The following RSRC1 variants were observed in gnomAD, a reference collection of about 807,000 sequenced individuals.
RSRC1 encodes the protein arginine and serine rich coiled-coil 1.
Under a neutral mutation model 49.1 loss-of-function variants are expected in RSRC1, and 39 were observed. The ratio of observed to expected loss-of-function variants is 0.79; its 90% CI spans 0.61 to 1.04. The LOEUF (loss-of-function observed/expected upper bound fraction) is 1.04, where lower values mean the gene tolerates loss of function less well. Ranked by LOEUF, RSRC1 falls within the 50% of genes least tolerant of loss-of-function variation. RSRC1 has a pLI of 0.00. For synonymous variants in RSRC1, 143 were observed against 130.8 expected (o/e 1.09, Z -0.63); for missense variants, 388 against 402.4 (o/e 0.96, Z 0.31).
At chr3:158,201,715 T>C (rs1463718983) in intron 3 of RSRC1, among the ~76,000 whole-genome samples, 1 of 152,230 alleles carries the variant, frequency 6.6e-6, no homozygotes, top group Non-Finnish European at 1.5e-5. Context: ...CTGGTATTTC[T>C]ATTGAGATTG....
At chr3:158,462,903 A>G (rs533044396) in intron 7 of RSRC1, among the ~76,000 whole-genome samples, 4 of 152,148 alleles carry the variant, frequency 2.6e-5, no homozygotes, top group African/African-American at 9.6e-5. Context: ...CTCCAATCAT[A>G]GCTGTTTTAA....
chr3:158,246,399 A>AT (rs1017376917), intron 4 of RSRC1, among the ~76,000 whole-genome samples: 87 of 150,104 alleles, frequency 5.8e-4, no homozygotes, highest in East Asian at 1.8e-3. Flanking sequence ...AAGTATAATA[A>AT]AAAAAAAAAG....
At chr3:158,205,602 G>A (rs761686702) in intron 4 of RSRC1, among the ~76,000 whole-genome samples, 1 of 152,038 alleles carries the variant, frequency 6.6e-6, no homozygotes, top group Non-Finnish European at 1.5e-5. Flanking sequence ...AATTTTTCCA[G>A]TAGGAAAAGT....
intron 5 of RSRC1, among the ~76,000 whole-genome samples, chr3:158,347,866 C>T (rs891238811): frequency 2.0e-5 from 3 of 151,916 alleles, no homozygotes; most frequent in Non-Finnish European, 4.4e-5. Context: ...AATGTTGTTT[C>T]TCTTTTTATT....
intron 3 of RSRC1, among the ~76,000 whole-genome samples, chr3:158,195,276 G>T (rs951098061): frequency 6.0e-4 from 91 of 151,894 alleles, no homozygotes; most frequent in African/African-American, 2.1e-3. Context: ...TCATGTGTCT[G>T]TTGGCTGCAT....
chr3:158,446,412 G>A (rs926926538), intron 6 of RSRC1, among the ~76,000 whole-genome samples: 3 of 151,600 alleles, frequency 2.0e-5, no homozygotes, highest in African/African-American at 7.3e-5. Context: ...TATAAAATAT[G>A]TGGATTTAAA....
At chr3:158,526,754 T>A (rs1358800901) in intron 7 of RSRC1, among the ~76,000 whole-genome samples, 1 of 151,988 alleles carries the variant, frequency 6.6e-6, no homozygotes, top group East Asian at 1.9e-4. Flanking sequence ...CATAATATGC[T>A]TACAAGAAGA....
chr3:158,332,970 T>G (rs1006974696), intron 5 of RSRC1, among the ~76,000 whole-genome samples: 1 of 142,714 alleles, frequency 7.0e-6, no homozygotes, highest in Non-Finnish European at 1.6e-5. Flanking sequence ...TTCTGTTTTT[T>G]GTTTTTTTTT....
chr3:158,420,028 C>T (rs1472531216), intron 6 of RSRC1, among the ~76,000 whole-genome samples: 1 of 151,880 alleles, frequency 6.6e-6, no homozygotes, highest in Non-Finnish European at 1.5e-5. Context: ...CCCCCCACTT[C>T]CTCCTTTTAC....
At chr3:158,477,924 G>A (rs1330805699) in intron 7 of RSRC1, among the ~76,000 whole-genome samples, 1 of 149,148 alleles carries the variant, frequency 6.7e-6, no homozygotes, top group Admixed American at 6.7e-5. Context: ...TTTTTAACAA[G>A]TTGCATTCTT....
At chr3:158,486,337 A>G (rs1324016641) in intron 7 of RSRC1, among the ~76,000 whole-genome samples, 1 of 152,076 alleles carries the variant, frequency 6.6e-6, no homozygotes, top group Non-Finnish European at 1.5e-5. Flanking sequence ...TTGCTATTTC[A>G]TTCACATCCT....
At chr3:158,182,141 A>G (rs1719655792) in intron 3 of RSRC1, among the ~76,000 whole-genome samples, 1 of 152,140 alleles carries the variant, frequency 6.6e-6, no homozygotes, top group Non-Finnish European at 1.5e-5. Flanking sequence ...TTCATAATGA[A>G]AAGAAGACAT....
intron 8 of RSRC1, among the ~76,000 whole-genome samples, chr3:158,538,857 G>A (rs570969487): frequency 6.6e-6 from 1 of 152,016 alleles, no homozygotes; most frequent in East Asian, 1.9e-4. Context: ...ATCAGTGATA[G>A]TCTAACAATG....
chr3:158,446,649 G>A (rs2108382962), intron 6 of RSRC1, among the ~76,000 whole-genome samples: 1 of 151,970 alleles, frequency 6.6e-6, no homozygotes, highest in Admixed American at 6.6e-5. Context: ...TCAGTTGTTT[G>A]TATGTGGGAC....
At chr3:158,530,669 T>C (rs78354042) in intron 7 of RSRC1, among the ~76,000 whole-genome samples, 2,559 of 151,736 alleles carry the variant, frequency 0.017, 77 homozygotes, top group African/African-American at 0.058. Context: ...GTTTAGGCTA[T>C]TACTATCTCC....
chr3:158,363,725 A>C (rs1731608877), intron 6 of RSRC1, among the ~76,000 whole-genome samples: 1 of 152,232 alleles, frequency 6.6e-6, no homozygotes, highest in African/African-American at 2.4e-5. Flanking sequence ...CTGATTCTGA[A>C]GTAAGTTTTC....
At chr3:158,441,678 T>C (rs1736386783) in intron 6 of RSRC1, among the ~76,000 whole-genome samples, 1 of 152,100 alleles carries the variant, frequency 6.6e-6, no homozygotes, top group Non-Finnish European at 1.5e-5. Context: ...ATGCAAAATC[T>C]CAGAATACAG....
chr3:158,247,673 G>C (rs1471930560), intron 4 of RSRC1, among the ~76,000 whole-genome samples: 4 of 152,174 alleles, frequency 2.6e-5, no homozygotes, highest in African/African-American at 9.7e-5. Flanking sequence ...CAGGGGATCT[G>C]TTTCAGAACC....
At chr3:158,305,587 T>C (rs1727793342) in intron 5 of RSRC1, among the ~76,000 whole-genome samples, 1 of 152,078 alleles carries the variant, frequency 6.6e-6, no homozygotes, top group African/African-American at 2.4e-5. Flanking sequence ...TCTTGGGATC[T>C]AACTTAAGTA....
Sources: allele counts gnomAD v4.1 joint callset (sites outside exome capture counted in the v4.1 genomes callset), GRCh38; gene constraint gnomAD v4.1.1; transcripts MANE v1.5; gene names NCBI Gene and HGNC (gene_info 2026-07-23, HGNC 2026-07-21).